The following CSMD2 variants were observed in gnomAD, a reference collection of about 807,000 sequenced individuals.
CSMD2 encodes the protein CUB and Sushi multiple domains 2, also known as CUB and sushi domain-containing protein 2.
A neutral mutation model predicts 398.5 loss-of-function variants in CSMD2; 130 were observed. That is an observed-to-expected ratio of 0.33 (90% confidence interval 0.28 to 0.38). The LOEUF is 0.38. Ranked by LOEUF, CSMD2 falls within the 10% of genes least tolerant of loss-of-function variation. The pLI is 1.00. For synonymous variants in CSMD2, 1,828 were observed against 1,908.5 expected (o/e 0.96, Z 1.10); for missense variants, 3,829 against 4,764.9 (o/e 0.80, Z 5.78).
chr1:33,590,595 T>TCACA (rs10611040), intron 44 of CSMD2, among the ~76,000 whole-genome samples: 23,638 of 137,474 alleles, frequency 0.17, 2,164 homozygotes, highest in Admixed American at 0.22. Flanking sequence ...CTATTTCCCA[T>TCACA]CACACACACA....
intron 5 of CSMD2, among the ~76,000 whole-genome samples, chr1:33,903,231 T>C (rs1642867529): frequency 6.6e-6 from 1 of 152,178 alleles, no homozygotes; most frequent in African/African-American, 2.4e-5. Context: ...GCCTAATTGA[T>C]TTCTTAGTCA....
chr1:33,617,611 C>G lies in CSMD2; in HGVS notation c.5834G>C (p.Gly1945Ala). Residue 1945 changes from glycine (G) to alanine (A), a missense_variant, in exon 38 of 71, where the codon GGC (glycine) becomes GCC (alanine). Around this residue, in one of 5 missense-constraint regions of CSMD2, gnomAD observed 2,001 missense variants for 2,567.1 expected, o/e 0.78. Coordinates refer to ENST00000373381, the MANE Select transcript of CSMD2 (RefSeq NM_001281956.2). ...AGFHLEYKTV[G>A]LSSCPEPAVP... ...AGCAGGTTCCGGACAACTGCTCAGG[C>G]CCACCGCTAGACAAGACAGAGACAG... 1 of 1,612,992 alleles carries G rather than the reference C, an allele frequency of 6.2e-7. No individual in the cohort carries two copies. Among genetic ancestry groups the G allele is most frequent in the South Asian group, 1.1e-5 (1 of 91,030 alleles).
At chr1:33,962,758 T>C (rs920969673) in intron 3 of CSMD2, among the ~76,000 whole-genome samples, 14 of 152,200 alleles carry the variant, frequency 9.2e-5, no homozygotes, top group Non-Finnish European at 1.6e-4. Context: ...ATCCTTCAGG[T>C]GTGTCCGCAA....
chr1:33,820,468 C>T lies in CSMD2; in HGVS notation c.1199+1G>A. The T allele has an allele frequency of 6.2e-7, 1 of 1,604,014 alleles. No homozygotes were observed. The highest frequency in any genetic ancestry group is 8.5e-7 in the Non-Finnish European group (1 of 1,172,220). The stretch of plus-strand genomic sequence containing the variant: ...TCAGAAAATTCCCAAATAGATCTTA[C>T]CTGAAATCCGAGCCTAGTCTTTTGC... On this transcript the variant is annotated splice_donor_variant, in intron 8 of 70. Transcript: ENST00000373381. LOFTEE classifies it high-confidence loss of function.
At chr1:33,872,556 C>A (rs1186905887) in intron 5 of CSMD2, among the ~76,000 whole-genome samples, 1 of 152,106 alleles carries the variant, frequency 6.6e-6, no homozygotes, top group Non-Finnish European at 1.5e-5. Flanking sequence ...CCTTGGCCAT[C>A]TTTTCAAGAG....
At chr1:34,125,386 C>T (rs370215738) in intron 1 of CSMD2, among the ~76,000 whole-genome samples, 3 of 152,272 alleles carry the variant, frequency 2.0e-5, no homozygotes, top group African/African-American at 7.2e-5. Flanking sequence ...GAAACTTGCC[C>T]TGCCATCAGG....
chr1:33,967,318 G>A (rs1376070672), intron 3 of CSMD2, among the ~76,000 whole-genome samples: 2 of 151,934 alleles, frequency 1.3e-5, no homozygotes, highest in African/African-American at 2.4e-5. Flanking sequence ...ATCTGGGAAT[G>A]TCAGGTTCTC....
chr1:33,956,784 C>T (rs970307301), intron 3 of CSMD2, among the ~76,000 whole-genome samples: 2 of 152,100 alleles, frequency 1.3e-5, no homozygotes, highest in African/African-American at 4.8e-5. Flanking sequence ...CCACTCTTGC[C>T]CCCACAGCCA....
intron 3 of CSMD2, among the ~76,000 whole-genome samples, chr1:34,015,842 A>G (rs1648008999): frequency 6.6e-6 from 1 of 152,192 alleles, no homozygotes; most frequent in Non-Finnish European, 1.5e-5. Context: ...GCAAGCCCCT[A>G]TGCAGTTCAG....
Position 33,903,060 on chromosome 1 carries a change from G to C in CSMD2, c.920+15034C>G, listed in dbSNP as rs559926436. On this transcript the variant is annotated intron_variant, in intron 5 of 70. Coordinates refer to ENST00000373381, the MANE Select transcript of CSMD2 (RefSeq NM_001281956.2). ...TGAAACTGACGTGGCTGCAGAAATT[G>C]ACATCAAGTGCCAGACAGGCATTTG... Among the ~76,000 whole-genome samples, 4 of 152,306 alleles carry C rather than the reference G, an allele frequency of 2.6e-5. No homozygotes were observed. In the South Asian group the frequency reaches 8.3e-4, roughly 32 times the overall value.
intron 70 of CSMD2, among the ~76,000 whole-genome samples, chr1:33,517,748 G>C (rs188127407): frequency 3.9e-5 from 6 of 152,276 alleles, no homozygotes; most frequent in African/African-American, 1.4e-4. Flanking sequence ...TTGTATTCAG[G>C]AGCTGCATCT....
intron 2 of CSMD2, among the ~76,000 whole-genome samples, chr1:34,080,140 AAAG>A (rs200011316): frequency 0.014 from 2,071 of 151,362 alleles, 39 homozygotes; most frequent in African/African-American, 0.045. Flanking sequence ...AAAAAAAAAA[AAAG>A]GAGAGAATAG....
chr1:34,037,727 G>A (rs1379956542), intron 2 of CSMD2, among the ~76,000 whole-genome samples: 1 of 152,080 alleles, frequency 6.6e-6, no homozygotes, highest in Non-Finnish European at 1.5e-5. Context: ...AACCTCACCA[G>A]GCCTTCTCCT....
chr1:34,125,485 G>A (rs1349621861), intron 1 of CSMD2, among the ~76,000 whole-genome samples: 1 of 150,918 alleles, frequency 6.6e-6, no homozygotes, highest in Non-Finnish European at 1.5e-5. Context: ...GATGGTGCAA[G>A]CACACTTCCC....
At chr1:33,983,033 G>A (rs552052711) in intron 3 of CSMD2, among the ~76,000 whole-genome samples, 4 of 152,278 alleles carry the variant, frequency 2.6e-5, no homozygotes, top group African/African-American at 9.6e-5. Flanking sequence ...GATCAGGGGA[G>A]TGGGGACCCA....
At chr1:33,554,185 C>CT (rs397860875) in intron 55 of CSMD2, among the ~76,000 whole-genome samples, 7,536 of 74,416 alleles carry the variant, frequency 0.1, 455 homozygotes, top group African/African-American at 0.12. Context: ...AAAAAACAGC[C>CT]TTTTTTTTTT....
At chr1:33,822,846 C>T (rs1210370781) in intron 7 of CSMD2, among the ~76,000 whole-genome samples, 1 of 152,156 alleles carries the variant, frequency 6.6e-6, no homozygotes, top group Non-Finnish European at 1.5e-5. Context: ...GTGATCCGTC[C>T]CTACTGCAGA....
intron 15 of CSMD2, among the ~76,000 whole-genome samples, chr1:33,737,223 G>A (rs556489866): frequency 1.3e-5 from 2 of 152,188 alleles, no homozygotes; most frequent in Non-Finnish European, 2.9e-5. Flanking sequence ...CAAAGCTTCT[G>A]TTCTTTCCAA....
chr1:33,825,576 T>A (rs1658708803), intron 7 of CSMD2, 121 bp downstream of exon 7: 1 of 881,194 alleles, frequency 1.1e-6, no homozygotes, highest in African/African-American at 1.7e-5. Flanking sequence ...GAGCCCAGGA[T>A]GGAGGAAGCA....
Sources: gnomAD v4.1 joint callset for allele counts (sites outside exome capture counted in the v4.1 genomes callset) on GRCh38, gnomAD v4.1.1 for gene constraint, gnomAD v4.1.1 regional missense constraint, MANE v1.5 for transcripts, NCBI Gene and HGNC (gene_info 2026-07-23, HGNC 2026-07-21) for gene names.